The following EQTN variants were observed in gnomAD, a reference collection of about 807,000 sequenced individuals.
The protein encoded by EQTN is Acrosome formation associated factor.
In EQTN, 29 loss-of-function variants were observed where a neutral mutation model predicts 26.9. The observed-to-expected ratio is 1.08, with a 90% CI of 0.80 to 1.47. The LOEUF (loss-of-function observed/expected upper bound fraction) is 1.47, where lower values mean the gene tolerates loss of function less well. EQTN is among the 40% of genes most tolerant of loss of function. The pLI is 0.00. For missense variants in EQTN, 391 were observed against 346.1 expected (o/e 1.13, Z -1.03); for synonymous variants, 129 against 120.0 (o/e 1.07, Z -0.49).
chr9:27,288,389 A>G (rs1334352819), intron 6 of EQTN, among the ~76,000 whole-genome samples: 1 of 152,120 alleles, frequency 6.6e-6, no homozygotes, highest in Non-Finnish European at 1.5e-5. Flanking sequence ...ATAGTTTGGT[A>G]GTTTCTTACA....
chr9:27,288,194 T>C (rs561524782), intron 6 of EQTN, among the ~76,000 whole-genome samples: 1 of 152,324 alleles, frequency 6.6e-6, no homozygotes, highest in Admixed American at 6.5e-5. Context: ...TCATGCTATT[T>C]TTCAACCATT....
At chr9:27,296,508 C>T (rs1820346280) in intron 2 of EQTN, 105 bp downstream of exon 2, 3 of 798,452 alleles carry the variant, frequency 3.8e-6, no homozygotes, top group South Asian at 4.3e-5. Context: ...AAATAAAATA[C>T]CCAACAAATA....
At chr9:27,291,824 C>G (rs1043174457) in intron 4 of EQTN, among the ~76,000 whole-genome samples, 1 of 152,052 alleles carries the variant, frequency 6.6e-6, no homozygotes, top group South Asian at 2.1e-4. Flanking sequence ...TGTAACGACA[C>G]GTAAGTATCC....
rs764742119 is a variant in EQTN, at chr9:27,286,280, C to T, written c.564G>A (p.Leu188=). 6.2e-6 allele frequency: 10 copies of T among 1,613,094 alleles called. No homozygotes were observed. Among genetic ancestry groups the T allele is most frequent in the Non-Finnish European group, 7.6e-6 (9 of 1,179,624 alleles). Residue 188 remains leucine (L), a synonymous_variant, in exon 7 of 8, where the codon TTG becomes TTA. Coordinates refer to ENST00000380032, the MANE Select transcript of EQTN (RefSeq NM_020641.3). ...GGACCACAAAGAGGAGGAGGGTCAT[C>T]AACGAGATTCCCAGCATTATTTTGA... ...LKIKIMLGIS[L]MTLLLFVVLL...
intron 2 of EQTN, among the ~76,000 whole-genome samples, 188 bp downstream of exon 2, chr9:27,296,425 C>T (rs1021793522): frequency 1.3e-5 from 2 of 151,952 alleles, no homozygotes; most frequent in African/African-American, 4.8e-5. Context: ...TAAAAAGAGC[C>T]CTTAAAAAGA....
chr9:27,294,197 G>T, intron 3 of EQTN, 119 bp downstream of exon 3: 1 of 598,688 alleles, frequency 1.7e-6, no homozygotes, highest in Non-Finnish European at 2.9e-6. Context: ...ACTTTAGAGG[G>T]AAAATGTTAG....
chr9:27,291,402 T>C (rs1266101638), intron 4 of EQTN, among the ~76,000 whole-genome samples: 2 of 152,180 alleles, frequency 1.3e-5, no homozygotes, highest in African/African-American at 4.8e-5. Flanking sequence ...TGTTCCAATA[T>C]AAGCTTAGAG....
In EQTN at chr9:27,291,164, T is replaced by C. The variant is rs1267108623; in HGVS notation, c.377-101A>G. On this transcript the variant is annotated intron_variant, in intron 4 of 7. Coordinates refer to ENST00000380032, the MANE Select transcript of EQTN (RefSeq NM_020641.3). Reference sequence around the variant, plus strand: ...ATTCGTTTGTTAGTCATTTAGCAGTTAAACTTTGAGCTCCTATAATGTGTC... The same window carrying C: ...ATTCGTTTGTTAGTCATTTAGCAGTCAAACTTTGAGCTCCTATAATGTGTC... 5.5e-6 allele frequency: 6 copies of C among 1,092,320 alleles called. No homozygotes were observed. The South Asian group carries it at 9.4e-5, about 17-fold the overall frequency. The allele number at this position is 1,092,320 out of a possible 1,614,324, so 67.7% of individuals were successfully genotyped here. A position where few individuals can be genotyped will look rare whatever the true frequency, so the allele number is the denominator to read the frequency against.
Position 27,291,120 on chromosome 9 carries a change from ATAATT to A in EQTN, c.377-62_377-58del, listed in dbSNP as rs899118392. On this transcript the variant is annotated intron_variant, in intron 4 of 7. Coordinates refer to ENST00000380032, the MANE Select transcript of EQTN (RefSeq NM_020641.3). ...AACAAGAAAACAACAGGATAACAAA[ATAATT>A]TAGTTTGAGGAACATTCGTTTGTTA... is the stretch of plus-strand genomic sequence containing the variant. 4.1e-6 allele frequency: 6 copies of A among 1,479,786 alleles called. No individual in the cohort carries two copies. In the African/African-American group the frequency reaches 7.3e-5, roughly 18 times the overall value. The allele number at this position is 1,479,786 out of a possible 1,614,324, so 91.7% of individuals were successfully genotyped here.
chr9:27,295,080 T>C (rs990881718), intron 2 of EQTN, among the ~76,000 whole-genome samples: 1 of 152,342 alleles, frequency 6.6e-6, no homozygotes, highest in Non-Finnish European at 1.5e-5. Flanking sequence ...ACATATGTAT[T>C]CATTTCTCTC....
rs1351746961 is a variant in EQTN, at chr9:27,284,738, C to A, written c.870G>T (p.Glu290Asp). 1.2e-6 allele frequency: 2 copies of A among 1,613,708 alleles called. No individual in the cohort carries two copies. The highest frequency in any genetic ancestry group is 1.7e-5 in the Admixed American group (1 of 59,998). The change falls in exon 8 of 8, where the codon GAG becomes GAT. Residue 290 changes from glutamate to aspartate, a missense_variant. By Grantham distance (45) the Glu-to-Asp change is conservative. Coordinates refer to ENST00000380032, the MANE Select transcript of EQTN (RefSeq NM_020641.3). ...GSDNEMHEND[E>D]SVTR ...CTTGATTTCTTCACCGGGTAACCGA[C>A]TCATCGTTTTCATGCATCTCATTAT...
intron 2 of EQTN, among the ~76,000 whole-genome samples, chr9:27,295,190 A>G (rs765850262): frequency 1.3e-5 from 2 of 152,238 alleles, no homozygotes; most frequent in Non-Finnish European, 2.9e-5. Context: ...GATAACAGAT[A>G]AATTATGGAC....
intron 6 of EQTN, 134 bp downstream of exon 6, chr9:27,289,538 A>G (rs3739538): frequency 0.27 from 151,385 of 562,440 alleles, 22,641 homozygotes; most frequent in African/African-American, 0.44. Context: ...TTGTAGAGAA[A>G]AGGTTTTTGT....
Position 27,295,124 on chromosome 9 carries a change from A to G in EQTN, c.203-722T>C, listed in dbSNP as rs116019246. Among the ~76,000 whole-genome samples, 712 of 152,344 alleles carry G rather than the reference A, an allele frequency of 4.7e-3. 4 individuals are homozygous for G. The highest frequency in any genetic ancestry group is 0.016 in the African/African-American group (676 of 41,582). ...AACAAAGAAATTCACCCCAGTGTGT[A>G]TATGAGAAGAATGTACATGGGAAAA... is the stretch of plus-strand genomic sequence containing the variant. On this transcript the variant is annotated intron_variant, in intron 2 of 7. Transcript: ENST00000380032.
intron 2 of EQTN, among the ~76,000 whole-genome samples, chr9:27,295,689 G>T (rs867953026): frequency 6.6e-6 from 1 of 151,810 alleles, no homozygotes; most frequent in Middle Eastern, 3.2e-3. Context: ...AAAATTAGCC[G>T]GGCGTGGTGG....
At chr9:27,285,133 C>CT (rs201723057) in intron 7 of EQTN, among the ~76,000 whole-genome samples, 161 bp from the exon 8 acceptor site, 5,382 of 77,108 alleles carry the variant, frequency 0.07, 1,059 homozygotes, top group Non-Finnish European at 0.079. Flanking sequence ...TTTTCTTTTC[C>CT]TTTTTTTTTT....
intron 2 of EQTN, among the ~76,000 whole-genome samples, chr9:27,296,158 C>G (rs1158547157): frequency 6.6e-6 from 1 of 152,002 alleles, no homozygotes; most frequent in Admixed American, 6.6e-5. Context: ...CAAAAATTAG[C>G]TTGGTGTGAT....
At chr9:27,291,597 G>A (rs904532797) in intron 4 of EQTN, among the ~76,000 whole-genome samples, 1 of 152,082 alleles carries the variant, frequency 6.6e-6, no homozygotes, top group African/African-American at 2.4e-5. Flanking sequence ...AGATTGTTTC[G>A]GAATTGAATG....
In EQTN at chr9:27,288,685, G is replaced by T. The variant is rs1282865183; in HGVS notation, c.481+987C>A. On this transcript the variant is annotated intron_variant, in intron 6 of 7. Coordinates refer to ENST00000380032, the MANE Select transcript of EQTN (RefSeq NM_020641.3). Reference sequence around the variant, plus strand: ...TGGAATATCAGTAATAAAAATAAATGAGCTCTCAAGCCACAAGAAAACATG... The same window carrying T: ...TGGAATATCAGTAATAAAAATAAATTAGCTCTCAAGCCACAAGAAAACATG... Among the ~76,000 whole-genome samples, 4 of 152,074 alleles carry T rather than the reference G, an allele frequency of 2.6e-5. No individual in the cohort carries two copies. In the South Asian group the frequency reaches 6.2e-4, roughly 24 times the overall value.
Sources: gnomAD v4.1 joint callset for allele counts (sites outside exome capture counted in the v4.1 genomes callset) on GRCh38, gnomAD v4.1.1 for gene constraint, MANE v1.5 for transcripts, NCBI Gene and HGNC (gene_info 2026-07-23, HGNC 2026-07-21) for gene names.